The following KIF4A variants were observed in gnomAD, a reference collection of about 807,000 sequenced individuals.
KIF4A encodes the protein chromosome-associated kinesin KIF4A.
Under a neutral mutation model 105.9 loss-of-function variants are expected in KIF4A, and 7 were observed. The observed-to-expected ratio is 0.07, with a 90% CI of 0.04 to 0.12. KIF4A has a LOEUF of 0.12. KIF4A is among the 10% of genes least tolerant of loss of function. KIF4A has a pLI of 1.00. For synonymous variants in KIF4A, 281 were observed against 331.3 expected (o/e 0.85, Z 1.65); for missense variants, 558 against 929.2 (o/e 0.60, Z 5.19).
intron 7 of KIF4A, among the ~76,000 whole-genome samples, chrX:70,321,778 A>G (rs750976553): frequency 4.4e-4 from 49 of 110,325 alleles, no homozygotes; most frequent in African/African-American, 1.6e-3. Context: ...TCACCCCTCC[A>G]TCCTCCTCCC....
chrX:70,411,479 GATCTC>G (rs2086322108), intron 28 of KIF4A, among the ~76,000 whole-genome samples: 1 of 107,642 alleles, frequency 9.3e-6, no homozygotes. Context: ...TTTTGGACCA[GATCTC>G]ATCCTTCTGA....
intron 18 of KIF4A, 26 bp downstream of exon 18, chrX:70,376,236 C>T (rs1422443823): frequency 1.1e-6 from 1 of 924,281 alleles, no homozygotes; most frequent in Non-Finnish European, 1.6e-6. Context: ...TTCTTGAAGG[C>T]CTAGGTAATA....
rs193279833 is a variant in KIF4A, at chrX:70,372,748, T to C, written c.1675-1403T>C. 6.4e-3 allele frequency among the ~76,000 whole-genome samples: 723 copies of C among 112,986 alleles called. 6 individuals carry two copies. The highest frequency in any genetic ancestry group is 0.022 in the African/African-American group (677 of 31,157). ...ATGCAGAACTGCAGTTGTTATTGAG[T>C]AGATAAGTTTGAAAGTTCTGAATAT... On this transcript the variant is annotated intron_variant, in intron 15 of 30. Transcript: ENST00000374403.
chrX:70,404,821 A>T lies in KIF4A; in HGVS notation c.2897A>T (p.Gln966Leu). ...CAGCTGCTGAGCACACTGAAGTGTC[A>T]GGTATGATCACGAGAGGTCTCCAGA... is the stretch of plus-strand genomic sequence containing the variant. ...EQQLLSTLKC[Q>L]DEELEKMREV... The change falls in exon 25 of 31, where the codon CAG (glutamine) becomes CTG (leucine). Residue 966 changes from glutamine (Q) to leucine (L), a missense_variant and splice_region_variant. Physicochemically the swap from Gln to Leu is moderately radical, Grantham distance 113. Transcript: ENST00000374403. 8.6e-7 allele frequency: 1 copy of T among 1,158,096 alleles called. No individual in the cohort carries two copies. The highest frequency in any genetic ancestry group is 1.2e-6 in the Non-Finnish European group (1 of 850,005).
rs1363235296 is a variant in KIF4A, at chrX:70,330,319, A to G, written c.1058A>G (p.His353Arg). The G allele has an allele frequency of 2.5e-6, 3 of 1,209,458 alleles. No individual in the cohort carries two copies. Among genetic ancestry groups the G allele is most frequent in the Non-Finnish European group, 2.2e-6 (2 of 893,624 alleles). ...GATCCCCAGACAGCTGAACTTAATC[A>G]TCTAAAGCAACAGGTATAAGGGACT... Reference protein sequence around the residue: ...NIDPQTAELNHLKQQVQQLQV... With the variant: ...NIDPQTAELNRLKQQVQQLQV... Residue 353 changes from histidine to arginine, a missense_variant, in exon 9 of 31, where the codon CAT becomes CGT. His to Arg is a conservative substitution (Grantham distance 29). Around this residue, in one of 2 missense-constraint regions of KIF4A, gnomAD observed 469 missense variants for 680.4 expected, o/e 0.69. Transcript: ENST00000374403.
At chrX:70,365,642 T>C (rs2086099018) in intron 15 of KIF4A, among the ~76,000 whole-genome samples, 1 of 111,590 alleles carries the variant, frequency 9.0e-6, no homozygotes, top group Non-Finnish European at 1.9e-5. Context: ...GGATTCGGTT[T>C]GCCAGTATTT....
intron 15 of KIF4A, among the ~76,000 whole-genome samples, chrX:70,356,934 A>G (rs2086053996): frequency 8.9e-6 from 1 of 112,099 alleles, no homozygotes; most frequent in South Asian, 3.7e-4. Context: ...GTATGATTGC[A>G]TTTCCTTTCT....
At chrX:70,340,001 G>A (rs1644915246) in intron 10 of KIF4A, among the ~76,000 whole-genome samples, 2 of 110,535 alleles carry the variant, frequency 1.8e-5, no homozygotes, top group South Asian at 7.6e-4. Flanking sequence ...CCTTATTACT[G>A]TGAGAGCTTT....
intron 7 of KIF4A, among the ~76,000 whole-genome samples, chrX:70,309,364 A>G (rs1037975132): frequency 2.7e-5 from 3 of 109,880 alleles, no homozygotes; most frequent in African/African-American, 9.9e-5. Context: ...TTCTTCTTTC[A>G]TGTTGTATTT....
At chrX:70,374,344 G>A in intron 16 of KIF4A, 90 bp downstream of exon 16, 1 of 524,267 alleles carries the variant, frequency 1.9e-6, no homozygotes. Context: ...CCCATTTACT[G>A]CCCCTAAAGA....
chrX:70,365,864 A>T (rs865794383), intron 15 of KIF4A, among the ~76,000 whole-genome samples: 4 of 111,426 alleles, frequency 3.6e-5, no homozygotes, highest in Non-Finnish European at 7.5e-5. Context: ...CTGTGAATCC[A>T]TCTGGTCCTG....
At chrX:70,393,144 A>G (rs1453711665) in intron 20 of KIF4A, among the ~76,000 whole-genome samples, 1 of 110,816 alleles carries the variant, frequency 9.0e-6, no homozygotes, top group Non-Finnish European at 1.9e-5. Flanking sequence ...ACTTTCATTC[A>G]ATTCAAAATA....
chrX:70,362,282 C>T (rs1602773640), intron 15 of KIF4A: 1 of 352,972 alleles, frequency 2.8e-6, no homozygotes, highest in Non-Finnish European at 5.6e-6. Flanking sequence ...ATGTGTGCAC[C>T]ATGTACTGGA....
chrX:70,322,707 T>A (rs1297797698), intron 7 of KIF4A, among the ~76,000 whole-genome samples: 1 of 21,795 alleles, frequency 4.6e-5, no homozygotes, highest in Non-Finnish European at 7.1e-5. Context: ...TGTTCTATGC[T>A]CTTTTTTTTT....
intron 20 of KIF4A, among the ~76,000 whole-genome samples, chrX:70,390,911 GTGT>G (rs2086235400): frequency 8.9e-6 from 1 of 111,889 alleles, no homozygotes; most frequent in South Asian, 3.7e-4. Context: ...AGATTAATTT[GTGT>G]TGTTTGTGTA....
At position 70,342,142 on chromosome X, in the gene KIF4A, A is replaced by G. The variant is rs60099372; in HGVS notation, c.1266+211A>G. On this transcript the variant is annotated intron_variant, in intron 11 of 30. Coordinates refer to ENST00000374403, the MANE Select transcript of KIF4A (RefSeq NM_012310.5). ...TAAAAGAATTGTACAGTGAACACCTATGTATCTACCACAAAGAATCTACAT... is the reference window on the plus strand; with the variant it reads ...TAAAAGAATTGTACAGTGAACACCTGTGTATCTACCACAAAGAATCTACAT... 5.1e-3 allele frequency among the ~76,000 whole-genome samples: 570 copies of G among 112,688 alleles called. 7 individuals carry two copies. The highest frequency in any genetic ancestry group is 0.018 in the African/African-American group (552 of 31,051).
At chrX:70,361,208 A>C (rs2086074146) in intron 15 of KIF4A, among the ~76,000 whole-genome samples, 1 of 113,374 alleles carries the variant, frequency 8.8e-6, no homozygotes, top group African/African-American at 3.2e-5. Context: ...CCACACCACT[A>C]AAGGACTGTA....
intron 15 of KIF4A, among the ~76,000 whole-genome samples, chrX:70,368,320 T>C (rs2086114305): frequency 8.9e-6 from 1 of 112,340 alleles, no homozygotes; most frequent in African/African-American, 3.2e-5. Flanking sequence ...GGAGGAGAGC[T>C]GCTCTGATTG....
chrX:70,322,087 T>TC lies in KIF4A; in HGVS notation c.779-7310dup, dbSNP rs971883582. On this transcript the variant is annotated intron_variant, in intron 7 of 30. Coordinates refer to ENST00000374403, the MANE Select transcript of KIF4A (RefSeq NM_012310.5). ...GTTCATGCCCATCACCCTGTCACCCTCCCCCCCCAAAGTGGTTTCACCCAC... is the reference window on the plus strand; with the variant it reads ...GTTCATGCCCATCACCCTGTCACCCTCCCCCCCCCAAAGTGGTTTCACCCAC... Among the ~76,000 whole-genome samples, 23 of 107,645 alleles carry TC rather than the reference T, an allele frequency of 2.1e-4. 1 individual carries two copies. The highest frequency in any genetic ancestry group is 1.4e-3 in the Admixed American group (14 of 10,044). 93.5% of individuals were successfully genotyped at this position (107,645 alleles called of 115,157 possible). A position where few individuals can be genotyped will look rare whatever the true frequency, so the allele number is the denominator to read the frequency against.
Sources: gnomAD v4.1 joint callset for allele counts (sites outside exome capture counted in the v4.1 genomes callset) on GRCh38, gnomAD v4.1.1 for gene constraint, gnomAD v4.1.1 regional missense constraint, MANE v1.5 for transcripts, NCBI Gene and HGNC (gene_info 2026-07-23, HGNC 2026-07-21) for gene names.